The following CMYA5 variants were observed in gnomAD, a reference collection of about 807,000 sequenced individuals.
CMYA5 encodes the protein cardiomyopathy associated 5.
Under a neutral mutation model 318.9 loss-of-function variants are expected in CMYA5, and 246 were observed. The ratio of observed to expected loss-of-function variants is 0.77; its 90% confidence interval spans 0.70 to 0.86. CMYA5 has a LOEUF of 0.86. Ranked by LOEUF, CMYA5 falls within the 40% of genes least tolerant of loss-of-function variation. CMYA5 has a pLI of 0.00. For missense variants in CMYA5, 4,589 were observed against 4,678.2 expected (o/e 0.98, Z 0.56); for synonymous variants, 1,641 against 1,729.5 (o/e 0.95, Z 1.27).
chr5:79,776,938 T>C (rs1472589343), intron 9 of CMYA5, among the ~76,000 whole-genome samples: 1 of 152,118 alleles, frequency 6.6e-6, no homozygotes, highest in African/African-American at 2.4e-5. Flanking sequence ...GATCCAGGGG[T>C]TGGACATGGT....
At chr5:79,719,179 G>T (rs1827573167) in intron 1 of CMYA5, among the ~76,000 whole-genome samples, 1 of 152,032 alleles carries the variant, frequency 6.6e-6, no homozygotes, top group Non-Finnish European at 1.5e-5. Flanking sequence ...TATTATTTTG[G>T]TAGCTCCTCT....
At chr5:79,766,344 G>A (rs1374531950) in intron 9 of CMYA5, among the ~76,000 whole-genome samples, 2 of 152,146 alleles carry the variant, frequency 1.3e-5, no homozygotes, top group East Asian at 3.9e-4. Context: ...CTTGTGCTCC[G>A]ACCTCCTTGG....
chr5:79,744,036 A>C, intron 3 of CMYA5, 114 bp downstream of exon 3: 1 of 552,032 alleles, frequency 1.8e-6, no homozygotes. Flanking sequence ...GTTGTTTGCC[A>C]TTGTTGGTTC....
chr5:79,791,245 C>T (rs568858623), intron 11 of CMYA5, among the ~76,000 whole-genome samples, 176 bp downstream of exon 11: 35 of 151,948 alleles, frequency 2.3e-4, no homozygotes, highest in African/African-American at 6.8e-4. Context: ...CCCTACCGAG[C>T]GATAGTTCAT....
At chr5:79,757,032 A>G (rs1318037583) in intron 6 of CMYA5, among the ~76,000 whole-genome samples, 2 of 151,936 alleles carry the variant, frequency 1.3e-5, no homozygotes, top group Non-Finnish European at 2.9e-5. Context: ...ATCTCTACTA[A>G]AAATACAAAA....
At position 79,729,181 on chromosome 5, in the gene CMYA5, A is replaced by G. The variant is rs1827815978; in HGVS notation, c.416A>G (p.Lys139Arg). The G allele has an allele frequency of 1.2e-6, 2 of 1,613,008 alleles. No individual in the cohort carries two copies. Among genetic ancestry groups the G allele is most frequent in the African/African-American group, 1.3e-5 (1 of 74,844 alleles). Reference sequence around the variant, plus strand: ...GTTCGGAAAAGGACTCATAAGTCAAAGCATGGTTCACCATCATTACGCCGG... The same window carrying G: ...GTTCGGAAAAGGACTCATAAGTCAAGGCATGGTTCACCATCATTACGCCGG... ...KKVRKRTHKS[K>R]HGSPSLRRKG... Residue 139 changes from lysine to arginine, a missense_variant, in exon 2 of 13, where the codon AAG becomes AGG. Physicochemically the swap from Lys to Arg is conservative, Grantham distance 26. Around this residue, in one of 3 missense-constraint regions of CMYA5, gnomAD observed 2,132 missense variants for 2,131.3 expected, o/e 1.00. Transcript: ENST00000446378.
At chr5:79,700,946 T>C (rs1268044246) in intron 1 of CMYA5, among the ~76,000 whole-genome samples, 4 of 151,650 alleles carry the variant, frequency 2.6e-5, no homozygotes, top group Non-Finnish European at 5.9e-5. Flanking sequence ...GATTAATGGG[T>C]ACAAATATAC....
chr5:79,730,185 A>G lies in CMYA5; in HGVS notation c.1420A>G (p.Thr474Ala), dbSNP rs199731032. The part of the protein sequence containing the change: ...ERAEPVSAKL[T>A]PTHPSVKGEK... The stretch of plus-strand genomic sequence containing the variant: ...GGCAGAACCAGTCTCCGCAAAACTG[A>G]CCCCTACCCATCCCAGTGTCAAAGG... The change falls in exon 2 of 13, where the codon ACC becomes GCC. Residue 474 changes from threonine (T) to alanine (A), a missense_variant. Physicochemically the swap from Thr to Ala is moderately conservative, Grantham distance 58 (BLOSUM62 0). Transcript: ENST00000446378. The G allele has an allele frequency of 3.7e-5, 59 of 1,613,790 alleles. No homozygotes were observed. The highest frequency in any genetic ancestry group is 1.5e-4 in the Admixed American group (9 of 59,996).
At chr5:79,745,919 A>G (rs1828313512) in intron 4 of CMYA5, among the ~76,000 whole-genome samples, 1 of 152,158 alleles carries the variant, frequency 6.6e-6, no homozygotes, top group South Asian at 2.1e-4. Flanking sequence ...GTGCAAAAGG[A>G]TGACATAATG....
chr5:79,719,077 AT>A (rs11339505), intron 1 of CMYA5, among the ~76,000 whole-genome samples: 65,097 of 151,906 alleles, frequency 0.43, 14,551 homozygotes, highest in East Asian at 0.59. Context: ...TAGAGAACCC[AT>A]TTCACTTCTT....
chr5:79,738,930 A>C lies in CMYA5; in HGVS notation c.10165A>C (p.Thr3389Pro). ...GGAGGAAGAATTTGCATCTGGTGCAACTCATGTTCAAGAAACATCACTAGA... is the reference window on the plus strand; with the variant it reads ...GGAGGAAGAATTTGCATCTGGTGCACCTCATGTTCAAGAAACATCACTAGA... ...FPEEEFASGA[T>P]HVQETSLEEP... Residue 3389 changes from threonine to proline, a missense_variant, in exon 2 of 13, where the codon ACT becomes CCT. Coordinates refer to ENST00000446378, the MANE Select transcript of CMYA5 (RefSeq NM_153610.5). 2.5e-6 allele frequency: 4 copies of C among 1,613,862 alleles called. No individual in the cohort carries two copies. Among genetic ancestry groups the C allele is most frequent in the Non-Finnish European group, 2.5e-6 (3 of 1,179,846 alleles).
intron 1 of CMYA5, among the ~76,000 whole-genome samples, chr5:79,698,507 A>G (rs1165618845): frequency 6.6e-6 from 1 of 152,120 alleles, no homozygotes; most frequent in Non-Finnish European, 1.5e-5. Flanking sequence ...CATTTTCACT[A>G]CATGCAAGCC....
intron 6 of CMYA5, among the ~76,000 whole-genome samples, chr5:79,754,538 C>G (rs994578067): frequency 6.6e-6 from 1 of 152,124 alleles, no homozygotes; most frequent in Non-Finnish European, 1.5e-5. Flanking sequence ...GGGAGTTTGG[C>G]TTCAGAGTCT....
At chr5:79,795,996 G>C (rs560994118) in intron 12 of CMYA5, among the ~76,000 whole-genome samples, 1 of 152,178 alleles carries the variant, frequency 6.6e-6, no homozygotes, top group Admixed American at 6.5e-5. Context: ...ATGTGTGCTC[G>C]GCCAGAAATG....
At chr5:79,691,439 G>T (rs1437026322) in intron 1 of CMYA5, among the ~76,000 whole-genome samples, 1 of 152,210 alleles carries the variant, frequency 6.6e-6, no homozygotes, top group Admixed American at 6.5e-5. Context: ...TTCACTCTGG[G>T]GTTGCATTGC....
chr5:79,739,392 A>C lies in CMYA5; in HGVS notation c.10627A>C (p.Ser3543Arg). Residue 3543 changes from serine to arginine, a missense_variant, in exon 2 of 13, where the codon AGT becomes CGT. Coordinates refer to ENST00000446378, the MANE Select transcript of CMYA5 (RefSeq NM_153610.5). ...HEVSTLDTAI[S>R]AVKVQLAEFL... ...AGTTTCAACGCTTGACACAGCTATAAGTGCTGTAAAGGTAAATAGATGTTG... is the reference window on the plus strand; with the variant it reads ...AGTTTCAACGCTTGACACAGCTATACGTGCTGTAAAGGTAAATAGATGTTG... 6.5e-7 allele frequency: 1 copy of C among 1,526,910 alleles called. No individual in the cohort carries two copies. The highest frequency in any genetic ancestry group is 8.8e-7 in the Non-Finnish European group (1 of 1,138,316). The allele number at this position is 1,526,910 out of a possible 1,614,324, so 94.6% of individuals were successfully genotyped here. A position where few individuals can be genotyped will look rare whatever the true frequency, so the allele number is the denominator to read the frequency against.
At position 79,770,147 on chromosome 5, in the gene CMYA5, C is replaced by G. The variant is rs557935005; in HGVS notation, c.11555+6938C>G. 3.2e-3 allele frequency among the ~76,000 whole-genome samples: 486 copies of G among 152,286 alleles called. 1 individual carries two copies. The highest frequency in any genetic ancestry group is 0.011 in the African/African-American group (464 of 41,570). ...CAAGCCTCAGTAATGGCGGACGCCC[C>G]TCCCCCCACCAAGCTCGAGCATTCC... is the stretch of plus-strand genomic sequence containing the variant. On this transcript the variant is annotated intron_variant, in intron 9 of 12. Transcript: ENST00000446378.
In CMYA5 at chr5:79,737,582, T is replaced by A. The variant is rs1221482158; in HGVS notation, c.8817T>A (p.Asp2939Glu). The change falls in exon 2 of 13, where the codon GAT becomes GAA. Residue 2939 changes from aspartate (D) to glutamate (E), a missense_variant. This residue lies in a region of CMYA5 where 2,431 missense variants were observed against 2,495.1 expected (regional missense o/e 0.97). Transcript: ENST00000446378. ...GTAAGCCAGCCGGACTTTCAGAAGA[T>A]CAGAAGACTGCCTTTAGTATCATTT... ...VTSKPAGLSE[D>E]QKTAFSIISE... The A allele has an allele frequency of 1.9e-6, 3 of 1,613,714 alleles. No homozygotes were observed. Among genetic ancestry groups the A allele is most frequent in the Non-Finnish European group, 2.5e-6 (3 of 1,179,814 alleles).
chr5:79,751,425 C>G (rs1361352292), intron 5 of CMYA5, among the ~76,000 whole-genome samples: 1 of 152,148 alleles, frequency 6.6e-6, no homozygotes, highest in African/African-American at 2.4e-5. Context: ...CATTAATACC[C>G]AGCCCAAATG....
Sources: allele counts gnomAD v4.1 joint callset (sites outside exome capture counted in the v4.1 genomes callset), GRCh38; gene constraint gnomAD v4.1.1; regional missense constraint gnomAD v4.1.1; transcripts MANE v1.5; gene names NCBI Gene and HGNC (gene_info 2026-07-23, HGNC 2026-07-21).